EPAS1: variants seen among roughly 807,000 people sequenced by gnomAD.
The protein encoded by EPAS1 is endothelial PAS domain protein 1.
EPAS1 carries 23 observed loss-of-function variants against 87.9 expected under a neutral mutation model. The ratio of observed to expected loss-of-function variants is 0.26; its 90% CI spans 0.19 to 0.37. The LOEUF (loss-of-function observed/expected upper bound fraction) is 0.37, where lower values mean the gene tolerates loss of function less well. Among genes scored for constraint, EPAS1 ranks in the 10% least tolerant of loss-of-function variants. The pLI, the probability that EPAS1 is intolerant of heterozygous loss-of-function variation, is 1.00. For synonymous variants in EPAS1, 508 were observed against 444.3 expected, an observed-to-expected ratio of 1.14 and a Z score of -1.80; for missense variants, 1,138 against 1,120.7, an observed-to-expected ratio of 1.02 and a Z score of -0.22.
chr2:46,314,674 T>C (rs1683277541), intron 1 of EPAS1, among the ~76,000 whole-genome samples: 1 of 152,234 alleles, frequency 6.6e-6, no homozygotes, highest in Non-Finnish European at 1.5e-5. Flanking sequence ...TCGTCCTGAC[T>C]CCTGTTTTCA....
At chr2:46,362,986 G>A (rs113962623) in intron 6 of EPAS1, among the ~76,000 whole-genome samples, 2,122 of 94,448 alleles carry the variant, frequency 0.022, 49 homozygotes, top group African/African-American at 0.076. Context: ...TAGTGGTGGT[G>A]GTGGTGGTGG....
At chr2:46,339,158 C>A (rs906806943) in intron 1 of EPAS1, among the ~76,000 whole-genome samples, 1 of 152,172 alleles carries the variant, frequency 6.6e-6, no homozygotes, top group African/African-American at 2.4e-5. Context: ...TGAAAGAATT[C>A]TTAATGGGAT....
Position 46,375,199 on chromosome 2 carries a change from A to C in EPAS1, c.887-491A>C, listed in dbSNP as rs560786391. ...TGCTGAAAAAAAAAAACAAAAAAAA[A>C]CAAAAAAAACTGCCCTGAGGTCAGG... On this transcript the variant is annotated intron_variant, in intron 7 of 15. Transcript: ENST00000263734. The surrounding 1 kb of genome is among the most constrained non-coding windows in gnomAD (Gnocchi z 4.1). Among the ~76,000 whole-genome samples the C allele has an allele frequency of 0.018, 2,720 of 150,434 alleles. 99 individuals are homozygous for C. The highest frequency in any genetic ancestry group is 0.063 in the African/African-American group (2,566 of 40,706).
At chr2:46,365,007 A>G (rs1684471888) in intron 6 of EPAS1, among the ~76,000 whole-genome samples, 1 of 152,234 alleles carries the variant, frequency 6.6e-6, no homozygotes, top group African/African-American at 2.4e-5. Context: ...GGAAGACAAA[A>G]GTTGTTCCCA....
chr2:46,322,442 G>A (rs1274828177), intron 1 of EPAS1, among the ~76,000 whole-genome samples: 2 of 152,136 alleles, frequency 1.3e-5, no homozygotes, highest in African/African-American at 2.4e-5. Flanking sequence ...AAACCTTAGT[G>A]TGCATCAGAA....
chr2:46,367,970 A>G (rs1684538115), intron 6 of EPAS1, among the ~76,000 whole-genome samples: 2 of 152,180 alleles, frequency 1.3e-5, no homozygotes, highest in African/African-American at 4.8e-5. Flanking sequence ...TAGAAAAAAA[A>G]AGTAGATCCT....
At position 46,382,104 on chromosome 2, in the gene EPAS1, C is replaced by A; in HGVS notation, c.2287+15C>A. On this transcript the variant is annotated intron_variant, in intron 14 of 15. Transcript: ENST00000263734. The stretch of plus-strand genomic sequence containing the variant: ...TGTACCCAATGGTGAGCAGCGGCCA[C>A]AGGCCTGGGCCTCCTGGGGGTTCTG... The A allele has an allele frequency of 6.2e-7, 1 of 1,610,968 alleles. No homozygotes were observed. Among genetic ancestry groups the A allele is most frequent in the African/African-American group, 1.3e-5 (1 of 75,014 alleles).
chr2:46,377,582 T>A (rs1384960947), intron 9 of EPAS1, among the ~76,000 whole-genome samples: 1 of 152,214 alleles, frequency 6.6e-6, no homozygotes, highest in African/African-American at 2.4e-5. Flanking sequence ...CCAATTCTCC[T>A]CTCCCTCTCA....
At chr2:46,373,284 A>C (rs1334080768) in intron 7 of EPAS1, among the ~76,000 whole-genome samples, 3 of 152,220 alleles carry the variant, frequency 2.0e-5, no homozygotes, top group Admixed American at 2.0e-4. Flanking sequence ...TCCTAGCTGC[A>C]CCCACGAGAA....
intron 6 of EPAS1, among the ~76,000 whole-genome samples, chr2:46,364,864 C>T (rs1303474901): frequency 1.3e-5 from 2 of 152,188 alleles, no homozygotes; most frequent in South Asian, 2.1e-4. Context: ...TGCTATGTAA[C>T]TGTGTGCCAG....
intron 1 of EPAS1, among the ~76,000 whole-genome samples, chr2:46,338,982 T>C (rs1313715763): frequency 6.6e-6 from 1 of 152,218 alleles, no homozygotes; most frequent in East Asian, 1.9e-4. Context: ...GCTGGATACA[T>C]ATCTTTTATT....
chr2:46,356,599 G>C (rs1180963556), intron 3 of EPAS1, 125 bp from the exon 4 acceptor site: 1 of 809,404 alleles, frequency 1.2e-6, no homozygotes, highest in Admixed American at 1.8e-5. Flanking sequence ...CACTGGACTG[G>C]GATTATGAGA....
intron 15 of EPAS1, among the ~76,000 whole-genome samples, chr2:46,382,934 C>T (rs1226898095): frequency 6.6e-6 from 1 of 152,202 alleles, no homozygotes; most frequent in Non-Finnish European, 1.5e-5. Context: ...AACACTGTAC[C>T]ACTGTTGACA....
intron 1 of EPAS1, among the ~76,000 whole-genome samples, chr2:46,310,669 A>G (rs59042299): frequency 0.014 from 2,091 of 152,318 alleles, 36 homozygotes; most frequent in African/African-American, 0.044. Context: ...GGAATTTAGA[A>G]ACACTTAAAG....
At chr2:46,324,967 G>T (rs192529485) in intron 1 of EPAS1, among the ~76,000 whole-genome samples, 178 of 152,370 alleles carry the variant, frequency 1.2e-3, no homozygotes, top group Non-Finnish European at 1.5e-3. Flanking sequence ...GTTCCCCATT[G>T]ATAGAGATGT....
At chr2:46,367,261 C>T (rs1035877246) in intron 6 of EPAS1, among the ~76,000 whole-genome samples, 10 of 152,204 alleles carry the variant, frequency 6.6e-5, no homozygotes, top group African/African-American at 2.4e-4. Flanking sequence ...ATTCTAATCT[C>T]GAAAGGAAAT....
chr2:46,374,282 C>T (rs945515967), intron 7 of EPAS1, among the ~76,000 whole-genome samples: 17 of 152,140 alleles, frequency 1.1e-4, no homozygotes, highest in Middle Eastern at 3.2e-3. Context: ...CTCTGTCTAC[C>T]GAGAGCCTGG....
At position 46,347,005 on chromosome 2, in the gene EPAS1, G is replaced by A. The variant is rs1684043191; in HGVS notation, c.159G>A (p.Lys53=). The A allele has an allele frequency of 1.2e-6, 2 of 1,614,088 alleles. No individual in the cohort carries two copies. The highest frequency in any genetic ancestry group is 2.7e-5 in the African/African-American group (2 of 74,936). The change falls in exon 2 of 16, where the codon AAG becomes AAA. Residue 53 remains lysine, a synonymous_variant. Transcript: ENST00000263734. The surrounding 1 kb of genome is among the most constrained non-coding windows in gnomAD (Gnocchi z 4.2). Reference sequence around the variant, plus strand: ...ACAGTGTGAGCTCCCATCTGGACAAGGCCTCCATCATGCGACTGGCAATCA... The same window carrying A: ...ACAGTGTGAGCTCCCATCTGGACAAAGCCTCCATCATGCGACTGGCAATCA... ...LPHSVSSHLD[K]ASIMRLAISF...
chr2:46,383,133 T>G (rs1164811626), intron 15 of EPAS1, among the ~76,000 whole-genome samples: 2 of 152,196 alleles, frequency 1.3e-5, no homozygotes, highest in Non-Finnish European at 2.9e-5. Flanking sequence ...GGGAGAACCC[T>G]CCCATGATCA....
Sources: allele counts gnomAD v4.1 joint callset (sites outside exome capture counted in the v4.1 genomes callset), GRCh38; gene constraint gnomAD v4.1.1; non-coding constraint Gnocchi (gnomAD v3.1); transcripts MANE v1.5; gene names NCBI Gene and HGNC (gene_info 2026-07-23, HGNC 2026-07-21).